Variants in ZFAND4 observed in about 807,000 individuals in gnomAD.
The protein encoded by ZFAND4 is AN1-type zinc finger protein 4.
ZFAND4 carries 43 observed loss-of-function variants against 64.4 expected under a neutral mutation model. The ratio of observed to expected loss-of-function variants is 0.67; its 90% confidence interval spans 0.52 to 0.86. The LOEUF is 0.86. Among genes scored for constraint, ZFAND4 ranks in the 40% least tolerant of loss-of-function variants. The probability of loss-of-function intolerance (pLI) is 0.00; values close to 1 mark genes in which losing one functional copy is unlikely to be tolerated. For missense variants in ZFAND4, 929 were observed against 859.8 expected (o/e 1.08, Z -1.01); for synonymous variants, 296 against 305.7 (o/e 0.97, Z 0.33).
intron 1 of ZFAND4, among the ~76,000 whole-genome samples, chr10:45,665,597 C>CCTAA (rs1320620737): frequency 1.3e-5 from 2 of 152,072 alleles, no homozygotes; most frequent in Non-Finnish European, 2.9e-5. Flanking sequence ...AAAATTCACT[C>CCTAA]ATTTAAAGCC....
At chr10:45,635,201 A>C (rs1564580026) in intron 6 of ZFAND4, among the ~76,000 whole-genome samples, 2 of 145,376 alleles carry the variant, frequency 1.4e-5, no homozygotes, top group East Asian at 2.0e-4. Context: ...TAAGCAAAAA[A>C]AAAAAAAAAA....
chr10:45,635,707 T>C (rs2046553991), intron 6 of ZFAND4, among the ~76,000 whole-genome samples: 2 of 152,186 alleles, frequency 1.3e-5, no homozygotes, highest in African/African-American at 2.4e-5. Flanking sequence ...GTGTGGTATA[T>C]AGCCATACAA....
intron 8 of ZFAND4, among the ~76,000 whole-genome samples, chr10:45,619,749 A>G (rs535281144): frequency 5.3e-5 from 8 of 152,158 alleles, no homozygotes; most frequent in Non-Finnish European, 1.2e-4. Flanking sequence ...AAGCCCAGCA[A>G]AATTAAATCT....
At chr10:45,650,034 T>G (rs1167583349) in intron 4 of ZFAND4, 1 of 152,242 alleles carries the variant, frequency 6.6e-6, no homozygotes, top group Non-Finnish European at 1.5e-5. Context: ...GGGCACAATT[T>G]AGTTTTAGAA....
At chr10:45,664,968 C>T (rs1479685039) in intron 1 of ZFAND4, among the ~76,000 whole-genome samples, 10 of 151,998 alleles carry the variant, frequency 6.6e-5, no homozygotes, top group Admixed American at 1.3e-4. Flanking sequence ...AAATCATCAA[C>T]GGTTTCCAGA....
At chr10:45,621,727 G>A (rs551924499) in intron 8 of ZFAND4, among the ~76,000 whole-genome samples, 2 of 152,170 alleles carry the variant, frequency 1.3e-5, no homozygotes, top group African/African-American at 4.8e-5. Flanking sequence ...GGGAGACAGA[G>A]TGAGACTCCA....
At chr10:45,632,211 A>T (rs1025499075) in intron 6 of ZFAND4, among the ~76,000 whole-genome samples, 2 of 152,130 alleles carry the variant, frequency 1.3e-5, no homozygotes, top group African/African-American at 4.8e-5. Context: ...AAAAAAAATT[A>T]GCCGGGTGTG....
chr10:45,659,359 G>A (rs1251652276), intron 2 of ZFAND4, among the ~76,000 whole-genome samples: 3 of 152,140 alleles, frequency 2.0e-5, no homozygotes, highest in Non-Finnish European at 2.9e-5. Flanking sequence ...ATTGTAAGAC[G>A]CAAACTCTAA....
At chr10:45,631,551 A>C (rs2046225682) in intron 6 of ZFAND4, among the ~76,000 whole-genome samples, 1 of 152,150 alleles carries the variant, frequency 6.6e-6, no homozygotes, top group Admixed American at 6.5e-5. Flanking sequence ...AGACAAAAAA[A>C]CCAAATCATT....
chr10:45,650,606 A>G (rs2047697621), intron 4 of ZFAND4: 1 of 152,196 alleles, frequency 6.6e-6, no homozygotes, highest in Admixed American at 6.5e-5. Flanking sequence ...TTCTAATAAG[A>G]AAAGTAGGTG....
At chr10:45,627,788 AAAC>A (rs2045939513) in intron 6 of ZFAND4, among the ~76,000 whole-genome samples, 2 of 152,196 alleles carry the variant, frequency 1.3e-5, no homozygotes, top group African/African-American at 4.8e-5. Context: ...CCTCCCCGGT[AAAC>A]AACATTTCAC....
intron 5 of ZFAND4, among the ~76,000 whole-genome samples, chr10:45,643,547 G>C (rs1227862937): frequency 6.6e-6 from 1 of 151,746 alleles, no homozygotes; most frequent in East Asian, 2.0e-4. Flanking sequence ...GCGGGCGCCT[G>C]TAGTCCCAGC....
intron 2 of ZFAND4, chr10:45,662,669 G>C (rs1157214249): frequency 4.1e-6 from 4 of 985,312 alleles, no homozygotes; most frequent in Non-Finnish European, 4.8e-6. Context: ...CACTTCAGTA[G>C]GATCTCCTGG....
At chr10:45,656,228 TAAAAAGAAAAGAGAA>T (rs1478852349) in intron 2 of ZFAND4, among the ~76,000 whole-genome samples, 2 of 118,062 alleles carry the variant, frequency 1.7e-5, no homozygotes, top group Non-Finnish European at 3.5e-5. Flanking sequence ...ACTCCGTTTC[TAAAAAGAAAAGAGAA>T]GAGAAGAGAA....
At chr10:45,648,932 A>G in intron 4 of ZFAND4, 2 of 984,946 alleles carry the variant, frequency 2.0e-6, no homozygotes, top group Non-Finnish European at 2.4e-6. Context: ...TGGTTCCAAC[A>G]ATAATTAAAA....
At chr10:45,658,940 A>T (rs1213992562) in intron 2 of ZFAND4, among the ~76,000 whole-genome samples, 1 of 152,248 alleles carries the variant, frequency 6.6e-6, no homozygotes, top group Admixed American at 6.5e-5. Context: ...CCATCAGAGA[A>T]ATTAGGTAGT....
chr10:45,664,546 C>T (rs979306673), intron 1 of ZFAND4, among the ~76,000 whole-genome samples: 2 of 149,450 alleles, frequency 1.3e-5, no homozygotes, highest in Non-Finnish European at 3.0e-5. Flanking sequence ...GGATTACAGG[C>T]GTGAGCCACC....
In ZFAND4 at chr10:45,641,607, A is replaced by G. The variant is rs140963728; in HGVS notation, c.570-1644T>C. Among the ~76,000 whole-genome samples, 350 of 152,328 alleles carry G rather than the reference A, an allele frequency of 2.3e-3. 2 individuals carry two copies. The highest frequency in any genetic ancestry group is 8.1e-3 in the African/African-American group (335 of 41,570). On this transcript the variant is annotated intron_variant, in intron 5 of 9. Transcript: ENST00000344646. ...GGAAGAATGTAGGACTGGTCTCCAC[A>G]ACCAATTCAGTCTGTGGTGCTTGAC...
chr10:45,671,059 G>C (rs2049152660), intron 1 of ZFAND4, among the ~76,000 whole-genome samples: 1 of 152,198 alleles, frequency 6.6e-6, no homozygotes, highest in Non-Finnish European at 1.5e-5. Flanking sequence ...TATTTATGCA[G>C]CCAACAGACA....
Sources: gnomAD v4.1 joint callset for allele counts (sites outside exome capture counted in the v4.1 genomes callset) on GRCh38, gnomAD v4.1.1 for gene constraint, MANE v1.5 for transcripts, NCBI Gene and HGNC (gene_info 2026-07-23, HGNC 2026-07-21) for gene names.